The following ANK1 variants were observed in gnomAD, a reference collection of about 807,000 sequenced individuals.
The protein encoded by ANK1 is ankyrin-1.
Under a neutral mutation model 210.4 loss-of-function variants are expected in ANK1, and 51 were observed. That is an observed-to-expected ratio of 0.24 (90% CI 0.19 to 0.31). The LOEUF is 0.31. Ranked by LOEUF, ANK1 falls within the 10% of genes least tolerant of loss-of-function variation. ANK1 has a pLI of 1.00. For synonymous variants in ANK1, 967 were observed against 1,025.9 expected (o/e 0.94, Z 1.10); for missense variants, 2,051 against 2,504.4 (o/e 0.82, Z 3.86).
In ANK1 at chr8:41,668,432, C is replaced by T; in HGVS notation, c.5229G>A (p.Glu1743=). ...QGTSTMTEGL[E]PGGSQEYEKV... is the part of the protein sequence containing the mutation. ...TCTCGTACTCCTGAGATCCACCGGG[C>T]TCTAGCCCTTCAGTCATGGTACTTG... is the stretch of plus-strand genomic sequence containing the variant. Residue 1743 remains glutamate (E), a synonymous_variant, in exon 39 of 43, where the codon GAG becomes GAA. Transcript: ENST00000289734. The T allele has an allele frequency of 1.2e-6, 2 of 1,614,242 alleles. No individual in the cohort carries two copies. The highest frequency in any genetic ancestry group is 1.7e-6 in the Non-Finnish European group (2 of 1,180,044).
At chr8:41,719,913 G>A in intron 9 of ANK1, 55 bp from the exon 10 acceptor site, 1 of 1,584,432 alleles carries the variant, frequency 6.3e-7, no homozygotes, top group Non-Finnish European at 8.7e-7. Context: ...ACCGAGCATG[G>A]AGATTCAGGA....
chr8:41,802,979 AAGAAAGAG>A (rs1400790993), intron 1 of ANK1, among the ~76,000 whole-genome samples: 6 of 92,850 alleles, frequency 6.5e-5, no homozygotes, highest in South Asian at 4.6e-4. Context: ...GAGATGAAAA[AAGAAAGAG>A]AGAAAGAGAG....
At chr8:41,796,707 C>T (rs1307353051) in intron 1 of ANK1, among the ~76,000 whole-genome samples, 1 of 151,498 alleles carries the variant, frequency 6.6e-6, no homozygotes, top group Admixed American at 6.6e-5. Flanking sequence ...TCACTTACTA[C>T]CCTTTCAGCG....
chr8:41,692,681 G>A lies in ANK1; in HGVS notation c.3825C>T (p.Asn1275=), dbSNP rs1415862324. 11 of 1,613,828 alleles carry A rather than the reference G, an allele frequency of 6.8e-6. No homozygotes were observed. The highest frequency in any genetic ancestry group is 9.3e-6 in the Non-Finnish European group (11 of 1,180,026). ...CCCTGCTCCGGGCCACCTCCACGAA[G>A]TTCTCATGCTGCTCCAGGGTCTTGT... The part of the protein sequence containing the change: ...KVDKTLEQHE[N]FVEVARSRDI... Residue 1275 remains asparagine (N), a synonymous_variant, in exon 31 of 43, where the codon AAC becomes AAT. Coordinates refer to ENST00000289734, the MANE Select transcript of ANK1 (RefSeq NM_000037.4).
chr8:41,782,158 C>G (rs1301369368), intron 1 of ANK1, among the ~76,000 whole-genome samples: 3 of 152,216 alleles, frequency 2.0e-5, no homozygotes, highest in Non-Finnish European at 2.9e-5. Flanking sequence ...GGCCCTTTAG[C>G]AAGGGTTCCT....
chr8:41,687,441 A>C (rs1817992914), intron 35 of ANK1, among the ~76,000 whole-genome samples: 1 of 152,224 alleles, frequency 6.6e-6, no homozygotes, highest in South Asian at 2.1e-4. Context: ...ACCACTTTGA[A>C]GGCAGGGATC....
Position 41,701,693 on chromosome 8 carries a change from C to T in ANK1, c.2389-71G>A, listed in dbSNP as rs113350899. On this transcript the variant is annotated intron_variant, in intron 21 of 42. Coordinates refer to ENST00000289734, the MANE Select transcript of ANK1 (RefSeq NM_000037.4). ...CACATTTTTTACCAGCCCAGCGGTT[C>T]CCTGGTCATGCCTGTGGGGTTTCCC... The T allele has an allele frequency of 1.0e-5, 15 of 1,466,294 alleles. No individual in the cohort carries two copies. The Admixed American group carries it at 2.5e-4, about 25-fold the overall frequency. 90.8% of individuals were successfully genotyped at this position (1,466,294 alleles called of 1,614,324 possible).
At chr8:41,705,898 A>G (rs1376094655) in intron 18 of ANK1, among the ~76,000 whole-genome samples, 1 of 152,236 alleles carries the variant, frequency 6.6e-6, no homozygotes, top group Non-Finnish European at 1.5e-5. Flanking sequence ...TCTTAGAGTC[A>G]TGATTAAACA....
chr8:41,750,350 C>A (rs185903758), intron 2 of ANK1, among the ~76,000 whole-genome samples: 224 of 152,274 alleles, frequency 1.5e-3, no homozygotes, highest in African/African-American at 5.2e-3. Flanking sequence ...TTCAGATGGT[C>A]GAGCTTCTGG....
intron 1 of ANK1, among the ~76,000 whole-genome samples, chr8:41,767,071 A>G (rs1033792160): frequency 3.9e-5 from 6 of 151,974 alleles, no homozygotes; most frequent in Non-Finnish European, 8.8e-5. Context: ...CAGGCCGGCC[A>G]CAAGTCCCGC....
At chr8:41,830,885 GA>G (rs749785809) in intron 1 of ANK1, among the ~76,000 whole-genome samples, 1 of 152,312 alleles carries the variant, frequency 6.6e-6, no homozygotes, top group East Asian at 1.9e-4. Context: ...CATAACCTTT[GA>G]AGATAGATTC....
chr8:41,856,824 C>T (rs1435608433), intron 1 of ANK1, among the ~76,000 whole-genome samples: 2 of 151,148 alleles, frequency 1.3e-5, no homozygotes, highest in African/African-American at 4.9e-5. Flanking sequence ...ATAAGGAACA[C>T]TCAACCTTAT....
chr8:41,773,416 G>A (rs1394234695), intron 1 of ANK1, among the ~76,000 whole-genome samples: 1 of 152,152 alleles, frequency 6.6e-6, no homozygotes, highest in Non-Finnish European at 1.5e-5. Flanking sequence ...GAGGGAAGGG[G>A]GGAGGCACAG....
chr8:41,797,759 C>G (rs1849069091), upstream of ANK1: 2 of 585,014 alleles, frequency 3.4e-6, no homozygotes, highest in Admixed American at 7.6e-5. This position sits in a 1 kb window ranked among gnomAD's most constrained non-coding sequence, Gnocchi z 4.0. Context: ...ACAAGAGCAC[C>G]TCCTCCCCCA....
At chr8:41,849,785 G>A (rs974587085) in intron 1 of ANK1, among the ~76,000 whole-genome samples, 8 of 152,226 alleles carry the variant, frequency 5.3e-5, no homozygotes, top group East Asian at 1.9e-4. Flanking sequence ...TCGTCAGCAC[G>A]TCACTCACAA....
chr8:41,851,178 C>CAA (rs1811162134), intron 1 of ANK1, among the ~76,000 whole-genome samples: 3 of 152,190 alleles, frequency 2.0e-5, no homozygotes, highest in African/African-American at 7.2e-5. Context: ...TCGACCAAAT[C>CAA]ATGATCAATA....
chr8:41,687,477 TCCCTGTCCATGACTCCA>T (rs1422300632), intron 35 of ANK1, among the ~76,000 whole-genome samples: 1 of 152,188 alleles, frequency 6.6e-6, no homozygotes, highest in Non-Finnish European at 1.5e-5. Context: ...CTTCTTGCTC[TCCCTGTCCATGACTCCA>T]CCCTGCACTC....
At chr8:41,870,405 G>C (rs1034761730) in intron 1 of ANK1, among the ~76,000 whole-genome samples, 3 of 152,148 alleles carry the variant, frequency 2.0e-5, no homozygotes, top group African/African-American at 7.2e-5. Context: ...CATGCTCTGA[G>C]CTCTACTCAT....
At chr8:41,770,261 G>A (rs1842753635) in intron 1 of ANK1, among the ~76,000 whole-genome samples, 1 of 152,166 alleles carries the variant, frequency 6.6e-6, no homozygotes, top group African/African-American at 2.4e-5. Context: ...GGGATTACGG[G>A]CGTGAGCCAC....
Sources: allele counts gnomAD v4.1 joint callset (sites outside exome capture counted in the v4.1 genomes callset), GRCh38; gene constraint gnomAD v4.1.1; non-coding constraint Gnocchi (gnomAD v3.1); transcripts MANE v1.5; gene names NCBI Gene and HGNC (gene_info 2026-07-23, HGNC 2026-07-21).